Variants in PKP4 observed in about 807,000 individuals in gnomAD.
PKP4 encodes the protein plakophilin-4.
In PKP4, 90 loss-of-function variants were observed where a neutral mutation model predicts 145.1. The ratio of observed to expected loss-of-function variants is 0.62; its 90% CI spans 0.52 to 0.74. PKP4 has a LOEUF of 0.74. PKP4 is among the 30% of genes least tolerant of loss of function. The probability of loss-of-function intolerance (pLI) is 0.00; values close to 1 mark genes in which losing one functional copy is unlikely to be tolerated. For missense variants in PKP4, 1,340 were observed against 1,482.7 expected, an observed-to-expected ratio of 0.90 and a Z score of 1.58; for synonymous variants, 563 against 577.2, an observed-to-expected ratio of 0.98 and a Z score of 0.35.
chr2:158,632,738 A>C (rs554491207), intron 8 of PKP4: 1 of 152,304 alleles, frequency 6.6e-6, no homozygotes, highest in Non-Finnish European at 1.5e-5. Flanking sequence ...AGAGTGGGGA[A>C]GACTGTATCT....
chr2:158,661,478 C>T (rs761629518), intron 13 of PKP4, 28 bp downstream of exon 13: 6 of 1,445,602 alleles, frequency 4.2e-6, no homozygotes, highest in Admixed American at 3.4e-5. Context: ...TGCAGGAGGG[C>T]GTGGTGGCAG....
intron 3 of PKP4, among the ~76,000 whole-genome samples, chr2:158,598,853 A>C (rs2049995255): frequency 6.6e-6 from 1 of 152,222 alleles, no homozygotes; most frequent in Admixed American, 6.5e-5. Context: ...GGGTATATAA[A>C]CAAGTTATAT....
chr2:158,536,613 C>T (rs1401850742), intron 2 of PKP4, among the ~76,000 whole-genome samples: 1 of 152,184 alleles, frequency 6.6e-6, no homozygotes, highest in Non-Finnish European at 1.5e-5. Flanking sequence ...TGAAATCTTT[C>T]TTCACTGGGC....
intron 7 of PKP4, among the ~76,000 whole-genome samples, chr2:158,626,648 A>G (rs566291447): frequency 1.3e-5 from 2 of 152,228 alleles, no homozygotes; most frequent in African/African-American, 4.8e-5. Context: ...CTGTTTGTCT[A>G]TACCTTGTCT....
At chr2:158,581,475 A>T (rs956147710) in intron 3 of PKP4, among the ~76,000 whole-genome samples, 22 of 152,296 alleles carry the variant, frequency 1.4e-4, no homozygotes, top group African/African-American at 5.3e-4. Context: ...ATTTGTTTTT[A>T]TTTACCTTTT....
chr2:158,513,491 G>A (rs2356187), intron 1 of PKP4, among the ~76,000 whole-genome samples: 138,853 of 152,230 alleles, frequency 0.91, 63,386 homozygotes, highest in East Asian at 0.98. Context: ...TGGCACATGA[G>A]GGAGAGAAGA....
Position 158,642,625 on chromosome 2 carries a change from A to G in PKP4, c.1835A>G (p.Asn612Ser), listed in dbSNP as rs759002724. Residue 612 changes from asparagine (N) to serine (S), a missense_variant, in exon 11 of 22, where the codon AAT becomes AGT. Coordinates refer to ENST00000389759, the MANE Select transcript of PKP4 (RefSeq NM_003628.6). ...GATGAAAATAAAATAGCAATGAAGAATGTTGGTGGGATACCTGCCTTGTTG... is the reference window on the plus strand; with the variant it reads ...GATGAAAATAAAATAGCAATGAAGAGTGTTGGTGGGATACCTGCCTTGTTG... Reference protein sequence around the residue: ...STDENKIAMKNVGGIPALLRL... With the variant: ...STDENKIAMKSVGGIPALLRL... The G allele has an allele frequency of 6.2e-7, 1 of 1,613,562 alleles. No homozygotes were observed. The highest frequency in any genetic ancestry group is 8.5e-7 in the Non-Finnish European group (1 of 1,179,618).
intron 1 of PKP4, among the ~76,000 whole-genome samples, chr2:158,501,412 C>G (rs1426577018): frequency 1.3e-5 from 2 of 152,208 alleles, no homozygotes; most frequent in African/African-American, 4.8e-5. Flanking sequence ...GTCTGTTTCT[C>G]AGCATTCCAC....
intron 3 of PKP4, among the ~76,000 whole-genome samples, chr2:158,602,467 A>C (rs2050306646): frequency 3.3e-5 from 5 of 152,152 alleles, no homozygotes; most frequent in Non-Finnish European, 7.4e-5. Context: ...TGATTGGGGC[A>C]AGAGAGGTGG....
chr2:158,487,511 C>A (rs1463445545), intron 1 of PKP4, among the ~76,000 whole-genome samples: 1 of 152,118 alleles, frequency 6.6e-6, no homozygotes, highest in African/African-American at 2.4e-5. Context: ...CATACTGTTG[C>A]TATGAGTTAA....
intron 2 of PKP4, among the ~76,000 whole-genome samples, chr2:158,571,822 G>T (rs752204396): frequency 6.6e-6 from 1 of 152,120 alleles, no homozygotes. Flanking sequence ...CGTGAAAATG[G>T]TTCAAGGGAC....
chr2:158,548,521 G>T, intron 2 of PKP4: 2 of 157,988 alleles, frequency 1.3e-5, no homozygotes, highest in South Asian at 3.5e-4. Context: ...TCCCCTGTTT[G>T]AGAAAAGACC....
chr2:158,553,575 T>C (rs1030033717), intron 2 of PKP4, among the ~76,000 whole-genome samples: 2 of 152,166 alleles, frequency 1.3e-5, no homozygotes, highest in African/African-American at 2.4e-5. Flanking sequence ...AAATATGTGG[T>C]CCCCTTAAAG....
At chr2:158,627,300 T>G (rs1254686197) in intron 7 of PKP4, among the ~76,000 whole-genome samples, 2 of 152,170 alleles carry the variant, frequency 1.3e-5, no homozygotes, top group African/African-American at 4.8e-5. Context: ...TGTAGAAATC[T>G]CTGCTTGTAA....
chr2:158,537,301 T>A (rs1276564231), intron 2 of PKP4, among the ~76,000 whole-genome samples: 4 of 152,236 alleles, frequency 2.6e-5, no homozygotes, highest in African/African-American at 9.6e-5. Context: ...GGTCAAATAA[T>A]GACATAGGTG....
chr2:158,678,197 A>C (rs2058180425), intron 20 of PKP4, among the ~76,000 whole-genome samples: 1 of 152,172 alleles, frequency 6.6e-6, no homozygotes, highest in Non-Finnish European at 1.5e-5. Context: ...CCACTGCCGT[A>C]GCTCAGAGCC....
chr2:158,643,971 G>A (rs2105937293), intron 11 of PKP4, among the ~76,000 whole-genome samples: 1 of 152,178 alleles, frequency 6.6e-6, no homozygotes, highest in Middle Eastern at 3.4e-3. Flanking sequence ...TCACCATGTT[G>A]GCCAGACTGG....
At chr2:158,672,556 A>T (rs1211596654) in intron 17 of PKP4, among the ~76,000 whole-genome samples, 1 of 152,198 alleles carries the variant, frequency 6.6e-6, no homozygotes, top group East Asian at 1.9e-4. Flanking sequence ...CAGGGTGGCT[A>T]TGTGGGGCAA....
At chr2:158,497,581 G>C (rs1695927608) in intron 1 of PKP4, among the ~76,000 whole-genome samples, 2 of 152,178 alleles carry the variant, frequency 1.3e-5, no homozygotes, top group Non-Finnish European at 2.9e-5. Flanking sequence ...AACAGCTTAG[G>C]AATCAGGTAG....
Sources: gnomAD v4.1 joint callset for allele counts (sites outside exome capture counted in the v4.1 genomes callset) on GRCh38, gnomAD v4.1.1 for gene constraint, MANE v1.5 for transcripts, NCBI Gene and HGNC (gene_info 2026-07-23, HGNC 2026-07-21) for gene names.